Variants in CD300LG observed in about 807,000 individuals in gnomAD.
CD300LG encodes CMRF35-like molecule 9.
CD300LG carries 29 observed loss-of-function variants against 31.5 expected under a neutral mutation model. The ratio of observed to expected loss-of-function variants is 0.92; its 90% CI spans 0.68 to 1.25. The LOEUF is 1.25. Among genes scored for constraint, CD300LG ranks in the 50% most tolerant of loss-of-function variants. CD300LG has a pLI of 0.00. For synonymous variants in CD300LG, 175 were observed against 177.2 expected (o/e 0.99, Z 0.10); for missense variants, 396 against 417.6 (o/e 0.95, Z 0.45).
chr17:43,852,082 G>A (rs1004223613), intron 2 of CD300LG, among the ~76,000 whole-genome samples: 19 of 152,174 alleles, frequency 1.2e-4, no homozygotes, highest in Non-Finnish European at 2.2e-4. Context: ...TCCAAGGCAC[G>A]GAGGTGGGCA....
chr17:43,853,035 C>T, intron 3 of CD300LG, 22 bp downstream of exon 3: 1 of 1,591,194 alleles, frequency 6.3e-7, no homozygotes, highest in Non-Finnish European at 8.6e-7. Context: ...GCAATTCCGC[C>T]CCTTCCCTTG....
chr17:43,848,513 C>T (rs1830553796), intron 1 of CD300LG, 45 bp from the exon 2 acceptor site: 1 of 1,502,976 alleles, frequency 6.7e-7, no homozygotes, highest in Admixed American at 1.8e-5. Flanking sequence ...GACCTTGGTA[C>T]ATGGAGCCTG....
At chr17:43,853,387 G>T (rs1043976882) in intron 3 of CD300LG, among the ~76,000 whole-genome samples, 5 of 152,178 alleles carry the variant, frequency 3.3e-5, no homozygotes, top group Admixed American at 2.6e-4. Flanking sequence ...ACTGAGGCAC[G>T]GGTGGTTGGG....
rs1247273363 is a variant in CD300LG at position 43,853,806 on chromosome 17, G to T, written c.482-1G>T. The T allele has an allele frequency of 2.5e-6, 4 of 1,612,408 alleles. No homozygotes were observed. Among genetic ancestry groups the T allele is most frequent in the Non-Finnish European group, 3.4e-6 (4 of 1,178,944 alleles). ...CTGAGGCATTGCTTTTGGACTTGTA[G>T]CTTCTCCTGGGCTCTACCCGGCAGC... On this transcript the variant is annotated splice_acceptor_variant, in intron 3 of 6. Coordinates refer to ENST00000317310, the MANE Select transcript of CD300LG (RefSeq NM_145273.4). LOFTEE classifies it high-confidence loss of function.
chr17:43,849,988 CAT>C (rs1439229183), intron 2 of CD300LG: 4 of 152,226 alleles, frequency 2.6e-5, no homozygotes, highest in African/African-American at 9.6e-5. Flanking sequence ...TCAGTGTTCA[CAT>C]GTCATTTCTA....
At chr17:43,857,625 TG>T in intron 6 of CD300LG, 1 of 1,128,312 alleles carries the variant, frequency 8.9e-7, no homozygotes, top group Non-Finnish European at 1.3e-6. Flanking sequence ...CCTCCAGGGG[TG>T]GGGTCCAGGG....
chr17:43,855,461 C>A (rs4793041), intron 5 of CD300LG, 142 bp downstream of exon 5: 3 of 500,450 alleles, frequency 6.0e-6, no homozygotes, highest in Non-Finnish European at 1.0e-5. Flanking sequence ...GGAGCTGTGG[C>A]CTCCCTTCTG....
chr17:43,853,274 C>T (rs1006140000), intron 3 of CD300LG, among the ~76,000 whole-genome samples: 2 of 152,150 alleles, frequency 1.3e-5, no homozygotes, highest in Admixed American at 6.5e-5. Context: ...TCCAGAGTCT[C>T]GGGGGCAAGC....
chr17:43,856,645 G>T (rs1364241110), intron 5 of CD300LG, among the ~76,000 whole-genome samples: 1 of 152,190 alleles, frequency 6.6e-6, no homozygotes, highest in African/African-American at 2.4e-5. Flanking sequence ...GCCAGGGTGG[G>T]AGCATTCCTG....
intron 2 of CD300LG, among the ~76,000 whole-genome samples, chr17:43,852,230 A>C (rs2046380848): frequency 6.7e-6 from 1 of 149,952 alleles, no homozygotes; most frequent in Non-Finnish European, 1.5e-5. Flanking sequence ...TTAGAGACGA[A>C]GTTTTGCTGT....
intron 3 of CD300LG, 109 bp downstream of exon 3, chr17:43,853,122 C>G: frequency 1.1e-6 from 1 of 892,822 alleles, no homozygotes. Flanking sequence ...CTAGGTGTCC[C>G]CACAAGCCTG....
Position 43,853,894 on chromosome 17 carries a change from A to T in CD300LG, c.569A>T (p.Tyr190Phe). The T allele has an allele frequency of 6.2e-7, 1 of 1,614,146 alleles. No homozygotes were observed. Among genetic ancestry groups the T allele is most frequent in the Non-Finnish European group, 8.5e-7 (1 of 1,180,014 alleles). ...CCTCCATTGCCAGGGACTTCCCAGT[A>T]CGGGCACGAAAGGACTTCTCAGTAC... Reference protein sequence around the residue: ...EAPPLPGTSQYGHERTSQYTG... With the variant: ...EAPPLPGTSQFGHERTSQYTG... Residue 190 changes from tyrosine (Y) to phenylalanine (F), a missense_variant, in exon 4 of 7, where the codon TAC (tyrosine) becomes TTC (phenylalanine). Coordinates refer to ENST00000317310, the MANE Select transcript of CD300LG (RefSeq NM_145273.4).
chr17:43,861,233 G>C, intron 6 of CD300LG: 1 of 985,420 alleles, frequency 1.0e-6, no homozygotes, highest in South Asian at 4.7e-5. Context: ...CCTCTACACA[G>C]AGATCCAGTA....
At chr17:43,857,500 T>C in intron 6 of CD300LG, 1 of 1,519,300 alleles carries the variant, frequency 6.6e-7, no homozygotes, top group East Asian at 2.4e-5. Flanking sequence ...AGATGAAGCC[T>C]TTGAGATCTC....
At chr17:43,849,142 G>A (rs1162645952) in intron 2 of CD300LG, 5 of 571,934 alleles carry the variant, frequency 8.7e-6, no homozygotes, top group Non-Finnish European at 1.5e-5. Context: ...GATCTGTCCA[G>A]GGCTGGGCTC....
intron 2 of CD300LG, among the ~76,000 whole-genome samples, chr17:43,852,007 G>A (rs1425287585): frequency 6.6e-6 from 1 of 152,102 alleles, no homozygotes; most frequent in African/African-American, 2.4e-5. Flanking sequence ...TTGTGCTGAA[G>A]GACAGAAAGA....
intron 1 of CD300LG, 42 bp downstream of exon 1, chr17:43,847,301 C>T: frequency 6.2e-7 from 1 of 1,608,506 alleles, no homozygotes; most frequent in Non-Finnish European, 8.5e-7. Flanking sequence ...TGGGGCTCAC[C>T]CTTGTGGTCT....
chr17:43,861,853 T>C lies in CD300LG; in HGVS notation c.941T>C (p.Met314Thr), dbSNP rs1235081479. Residue 314 changes from methionine (M) to threonine (T), a missense_variant, in exon 7 of 7, where the codon ATG becomes ACG. Physicochemically the swap from Met to Thr is moderately conservative, Grantham distance 81 (BLOSUM62 -1). Coordinates refer to ENST00000317310, the MANE Select transcript of CD300LG (RefSeq NM_145273.4). ...GCCCCTGAGGGGGACGTGATCTCGA[T>C]GCCTCCCCTCCACACATCTGAGGAG... is the stretch of plus-strand genomic sequence containing the variant. ...SQAPEGDVIS[M>T]PPLHTSEEEL... 6.2e-7 allele frequency: 1 copy of C among 1,612,710 alleles called. No individual in the cohort carries two copies. The highest frequency in any genetic ancestry group is 1.7e-5 in the Admixed American group (1 of 59,850).
intron 4 of CD300LG, among the ~76,000 whole-genome samples, chr17:43,854,882 A>T (rs972191779): frequency 3.3e-5 from 5 of 152,036 alleles, no homozygotes; most frequent in Non-Finnish European, 5.9e-5. Context: ...CACCCATTTG[A>T]TCCTCACCAC....
Sources: allele counts gnomAD v4.1 joint callset (sites outside exome capture counted in the v4.1 genomes callset), GRCh38; gene constraint gnomAD v4.1.1; transcripts MANE v1.5; gene names NCBI Gene and HGNC (gene_info 2026-07-23, HGNC 2026-07-21).